MAGEA8: variants seen among roughly 807,000 people sequenced by gnomAD.
The protein encoded by MAGEA8 is MAGE family member A8.
For synonymous variants in MAGEA8, 104 were observed against 102.6 expected (o/e 1.01, Z -0.08); for missense variants, 229 against 251.1 (o/e 0.91, Z 0.59).
At position 149,884,844 on chromosome X, in the gene MAGEA8, G is replaced by A. The variant is rs1490227393; in HGVS notation, c.572G>A (p.Gly191Asp). 1 of 1,211,215 alleles carries A rather than the reference G, an allele frequency of 8.3e-7. No individual in the cohort carries two copies. The highest frequency in any genetic ancestry group is 1.1e-6 in the Non-Finnish European group (1 of 895,119). ...ACCTGCCTGGGCCTCTCCTATGATG[G>A]CCTGCTGGGTGATGATCAGAGTACG... ...LVTCLGLSYD[G>D]LLGDDQSTPK... is the part of the protein sequence containing the mutation. Residue 191 changes from glycine (G) to aspartate (D), a missense_variant, in exon 3 of 3, where the codon GGC becomes GAC. Gly to Asp is a moderately conservative substitution (Grantham distance 94, BLOSUM62 -1). Transcript: ENST00000286482.
chrX:149,882,684 A>G (rs2090738239), intron 1 of MAGEA8, among the ~76,000 whole-genome samples: 1 of 110,348 alleles, frequency 9.1e-6, no homozygotes, highest in Non-Finnish European at 1.9e-5. Flanking sequence ...TACTGTGGGC[A>G]GGAAGTTGGG....
intron 1 of MAGEA8, chrX:149,883,453 A>G (rs781812217): frequency 8.9e-6 from 1 of 111,829 alleles, no homozygotes; most frequent in African/African-American, 3.3e-5. Context: ...ATGGGCCCCA[A>G]TGTATTTTGT....
rs186641724 is a variant in MAGEA8 at position 149,885,439 on chromosome X, A to G, written c.*210A>G. ...TGGACCATCTCTCAGTTCCTGTTCT[A>G]TTGGGCGATTTGGAGGTTTATCTTT... On this transcript the variant is annotated 3_prime_UTR_variant, in exon 3 of 3. Transcript: ENST00000286482. The G allele has an allele frequency of 6.7e-4, 247 of 366,564 alleles. No individual in the cohort carries two copies. The highest frequency in any genetic ancestry group is 2.3e-4 in the Non-Finnish European group (48 of 207,285). 30.2% of individuals were successfully genotyped at this position (366,564 alleles called of 1,213,427 possible). A position where few individuals can be genotyped will look rare whatever the true frequency, so the allele number is the denominator to read the frequency against.
chrX:149,884,901 G>A lies in MAGEA8; in HGVS notation c.629G>A (p.Gly210Asp), dbSNP rs1299311571. Residue 210 changes from glycine (G) to aspartate (D), a missense_variant, in exon 3 of 3, where the codon GGC (glycine) becomes GAC (aspartate). By Grantham distance (94) the Gly-to-Asp change is moderately conservative. Coordinates refer to ENST00000286482, the MANE Select transcript of MAGEA8 (RefSeq NM_005364.5). ...PKTGLLIIVL[G>D]MILMEGSRAP... ...ACCGGCCTCCTGATAATCGTCCTGG[G>A]CATGATCTTAATGGAGGGCAGCCGC... The A allele has an allele frequency of 8.3e-7, 1 of 1,209,259 alleles. No homozygotes were observed. The highest frequency in any genetic ancestry group is 1.1e-6 in the Non-Finnish European group (1 of 894,932).
chrX:149,883,548 C>A (rs2090743179), intron 1 of MAGEA8, among the ~76,000 whole-genome samples: 1 of 111,889 alleles, frequency 8.9e-6, no homozygotes, highest in African/African-American at 3.3e-5. Context: ...TCCCAGGAGG[C>A]CTTGGGCATG....
rs947483142 is a variant in MAGEA8 at position 149,885,540 on chromosome X, C to T, written c.*311C>T. ...ACTTCAACATTCATTTTATGTATGA[C>T]AGTAGACAGACTTACTGCTTTTTAT... is the stretch of plus-strand genomic sequence containing the variant. On this transcript the variant is annotated 3_prime_UTR_variant, in exon 3 of 3. Coordinates refer to ENST00000286482, the MANE Select transcript of MAGEA8 (RefSeq NM_005364.5). 147 of 323,394 alleles carry T rather than the reference C, an allele frequency of 4.5e-4. No homozygotes were observed. In the East Asian group the frequency reaches 6.7e-3, roughly 15 times the overall value. 26.7% of individuals were successfully genotyped at this position (323,394 alleles called of 1,213,427 possible).
chrX:149,884,485 C>T lies in MAGEA8; in HGVS notation c.213C>T (p.Ser71=). ...PPQSPEGASS[S]LTVTDSTLWS... is the part of the protein sequence containing the mutation. Reference sequence around the variant, plus strand: ...AGAGTCCTGAGGGTGCCTCCTCTTCCCTGACTGTCACCGACAGCACTCTGT... The same window carrying T: ...AGAGTCCTGAGGGTGCCTCCTCTTCTCTGACTGTCACCGACAGCACTCTGT... The change falls in exon 3 of 3, where the codon TCC becomes TCT. Residue 71 remains serine (S), a synonymous_variant. Transcript: ENST00000286482. The T allele has an allele frequency of 8.3e-7, 1 of 1,211,559 alleles. No homozygotes were observed.
rs782694825 is a variant in MAGEA8, at chrX:149,884,706, A to C, written c.434A>C (p.Asn145Thr). 8 of 1,211,892 alleles carry C rather than the reference A, an allele frequency of 6.6e-6. No homozygotes were observed. The South Asian group carries it at 1.2e-4, about 19-fold the overall frequency. Reference protein sequence around the residue: ...KAEMLESVIKNYKNHFPDIFS... With the variant: ...KAEMLESVIKTYKNHFPDIFS... ...GAAATGCTTGAGAGTGTCATCAAAA[A>C]TTACAAGAACCACTTTCCTGATATC... The change falls in exon 3 of 3, where the codon AAT becomes ACT. Residue 145 changes from asparagine (N) to threonine (T), a missense_variant. Coordinates refer to ENST00000286482, the MANE Select transcript of MAGEA8 (RefSeq NM_005364.5).
intron 1 of MAGEA8, 31 bp from the exon 2 acceptor site, chrX:149,884,042 C>T (rs1363847834): frequency 7.9e-6 from 3 of 382,110 alleles, no homozygotes; most frequent in African/African-American, 5.1e-5. Flanking sequence ...GGAGGCTGCA[C>T]CCTGAGATGC....
chrX:149,884,436 A>T lies in MAGEA8; in HGVS notation c.164A>T (p.Asp55Val). 1 of 1,209,596 alleles carries T rather than the reference A, an allele frequency of 8.3e-7. No homozygotes were observed. Residue 55 changes from aspartate to valine, a missense_variant, in exon 3 of 3, where the codon GAT (aspartate) becomes GTT (valine). Physicochemically the swap from Asp to Val is radical, Grantham distance 152. Coordinates refer to ENST00000286482, the MANE Select transcript of MAGEA8 (RefSeq NM_005364.5). ...ATGGGAACCCTTGAGGAGGTGACTGATTCTGGGTCACCAAGTCCTCCCCAG... is the reference window on the plus strand; with the variant it reads ...ATGGGAACCCTTGAGGAGGTGACTGTTTCTGGGTCACCAAGTCCTCCCCAG... ...LIMGTLEEVTDSGSPSPPQSP... is the reference protein window; with the variant it reads ...LIMGTLEEVTVSGSPSPPQSP...
rs1603000294 is a variant in MAGEA8, at chrX:149,884,389, ATCC to A, written c.126_128del (p.Ser43del). 2.5e-6 allele frequency: 3 copies of A among 1,210,361 alleles called. No individual in the cohort carries two copies. Among genetic ancestry groups the A allele is most frequent in the Non-Finnish European group, 3.4e-6 (3 of 894,353 alleles). ...CCACAGCTGAGGAGCAGAAGGCTGC[ATCC>A]TCCTCCTCTACTCTGATCATGGGAA... On this transcript the variant is annotated inframe_deletion, in exon 3 of 3. Transcript: ENST00000286482.
Position 149,884,521 on chromosome X carries a change from C to T in MAGEA8, c.249C>T (p.Ser83=), listed in dbSNP as rs781804987. Residue 83 remains serine, a synonymous_variant, in exon 3 of 3, where the codon TCC becomes TCT. Transcript: ENST00000286482. The part of the protein sequence containing the change: ...TVTDSTLWSQ[S]DEGSSSNEEE... Reference sequence around the variant, plus strand: ...CCGACAGCACTCTGTGGAGCCAATCCGATGAGGGTTCCAGCAGCAATGAAG... The same window carrying T: ...CCGACAGCACTCTGTGGAGCCAATCTGATGAGGGTTCCAGCAGCAATGAAG... 3.1e-5 allele frequency: 37 copies of T among 1,209,782 alleles called. No individual in the cohort carries two copies. Among genetic ancestry groups the T allele is most frequent in the Admixed American group, 6.5e-5 (3 of 45,824 alleles).
chrX:149,881,638 C>T (rs1314789982), intron 1 of MAGEA8, among the ~76,000 whole-genome samples: 1 of 105,278 alleles, frequency 9.5e-6, no homozygotes, highest in South Asian at 4.1e-4. Context: ...CCGGGCATGG[C>T]GGCCGGGCAT....
At position 149,882,289 on chromosome X, in the gene MAGEA8, G is replaced by A. The variant is rs2090735961; in HGVS notation, c.-126+1004G>A. ...GACACATCCACGGTTCAGCAGGAAGGAAAGGGCCATGCCTTGTCGTGGAGT... is the reference window on the plus strand; with the variant it reads ...GACACATCCACGGTTCAGCAGGAAGAAAAGGGCCATGCCTTGTCGTGGAGT... On this transcript the variant is annotated intron_variant, in intron 1 of 2. Transcript: ENST00000286482. 3.6e-5 allele frequency among the ~76,000 whole-genome samples: 4 copies of A among 111,539 alleles called. No homozygotes were observed. In the Admixed American group the frequency reaches 3.8e-4, roughly 11 times the overall value.
Position 149,884,411 on chromosome X carries a change from A to T in MAGEA8, c.139A>T (p.Met47Leu), listed in dbSNP as rs1557370892. 2 of 1,211,186 alleles carry T rather than the reference A, an allele frequency of 1.7e-6. No individual in the cohort carries two copies. Among genetic ancestry groups the T allele is most frequent in the Admixed American group, 4.3e-5 (2 of 46,028 alleles). ...TGCATCCTCCTCCTCTACTCTGATC[A>T]TGGGAACCCTTGAGGAGGTGACTGA... ...KAASSSSTLI[M>L]GTLEEVTDSG... is the part of the protein sequence containing the mutation. The change falls in exon 3 of 3, where the codon ATG becomes TTG. Residue 47 changes from methionine (M) to leucine (L), a missense_variant. Physicochemically the swap from Met to Leu is conservative, Grantham distance 15 (BLOSUM62 2). Coordinates refer to ENST00000286482, the MANE Select transcript of MAGEA8 (RefSeq NM_005364.5).
Position 149,884,868 on chromosome X carries a change from C to T in MAGEA8, c.596C>T (p.Thr199Met), listed in dbSNP as rs782119064. The T allele has an allele frequency of 1.7e-5, 21 of 1,208,840 alleles. No homozygotes were observed. The highest frequency in any genetic ancestry group is 2.2e-5 in the Non-Finnish European group (20 of 894,675). The change falls in exon 3 of 3, where the codon ACG (threonine) becomes ATG (methionine). Residue 199 changes from threonine (T) to methionine (M), a missense_variant. Coordinates refer to ENST00000286482, the MANE Select transcript of MAGEA8 (RefSeq NM_005364.5). ...GGCCTGCTGGGTGATGATCAGAGTA[C>T]GCCCAAGACCGGCCTCCTGATAATC... Reference protein sequence around the residue: ...YDGLLGDDQSTPKTGLLIIVL... With the variant: ...YDGLLGDDQSMPKTGLLIIVL...
Position 149,884,292 on chromosome X carries a change from G to A in MAGEA8, c.20G>A (p.Ser7Asn), listed in dbSNP as rs1557370846. 4.2e-6 allele frequency: 5 copies of A among 1,196,875 alleles called. No individual in the cohort carries two copies. The highest frequency in any genetic ancestry group is 5.6e-6 in the Non-Finnish European group (5 of 888,003). Residue 7 changes from serine (S) to asparagine (N), a missense_variant, in exon 3 of 3, where the codon AGT (serine) becomes AAT (asparagine). Transcript: ENST00000286482. The stretch of plus-strand genomic sequence containing the variant: ...GTCATCATGCTTCTTGGGCAGAAGA[G>A]TCAGCGCTACAAGGCTGAGGAAGGC... MLLGQK[S>N]QRYKAEEGLQ...
intron 2 of MAGEA8, 33 bp downstream of exon 2, chrX:149,884,167 T>C: frequency 1.7e-6 from 1 of 593,032 alleles, no homozygotes; most frequent in Non-Finnish European, 2.8e-6. Flanking sequence ...ATCCAGGGTG[T>C]AGTACCCAGC....
At position 149,885,445 on chromosome X, in the gene MAGEA8, C is replaced by G. The variant is rs782489858; in HGVS notation, c.*216C>G. ...ATCTCTCAGTTCCTGTTCTATTGGG[C>G]GATTTGGAGGTTTATCTTTGTTTCC... On this transcript the variant is annotated 3_prime_UTR_variant, in exon 3 of 3. Transcript: ENST00000286482. 8.9e-5 allele frequency: 32 copies of G among 360,321 alleles called. No individual in the cohort carries two copies. The highest frequency in any genetic ancestry group is 4.1e-4 in the Admixed American group (8 of 19,650). 29.7% of individuals were successfully genotyped at this position (360,321 alleles called of 1,213,427 possible). A position where few individuals can be genotyped will look rare whatever the true frequency, so the allele number is the denominator to read the frequency against.
Sources: allele counts gnomAD v4.1 joint callset (sites outside exome capture counted in the v4.1 genomes callset), GRCh38; gene constraint gnomAD v4.1.1; transcripts MANE v1.5; gene names NCBI Gene and HGNC (gene_info 2026-07-23, HGNC 2026-07-21).